MPDZ: variants seen among roughly 807,000 people sequenced by gnomAD.
MPDZ encodes multiple PDZ domain crumbs cell polarity complex component, also known as multiple PDZ domain protein.
Under a neutral mutation model 239.1 loss-of-function variants are expected in MPDZ, and 234 were observed. The observed-to-expected ratio is 0.98, with a 90% confidence interval of 0.88 to 1.09. MPDZ has a LOEUF of 1.09. Among genes scored for constraint, MPDZ ranks in the 50% least tolerant of loss-of-function variants. The pLI, the probability that MPDZ is intolerant of heterozygous loss-of-function variation, is 0.00. For missense variants in MPDZ, 3,175 were observed against 2,510.0 expected (o/e 1.26, Z -5.66); for synonymous variants, 1,048 against 881.3 (o/e 1.19, Z -3.35).
chr9:13,213,458 C>T (rs554601415), intron 10 of MPDZ, among the ~76,000 whole-genome samples: 1 of 151,902 alleles, frequency 6.6e-6, no homozygotes, highest in Non-Finnish European at 1.5e-5. Flanking sequence ...AAACAAAAAT[C>T]GAACAAATAA....
chr9:13,247,613 G>A, intron 3 of MPDZ, 22 bp downstream of exon 3: 1 of 1,597,536 alleles, frequency 6.3e-7, no homozygotes, highest in Non-Finnish European at 8.6e-7. Context: ...GTGAATGCCT[G>A]CTTGGGTGAA....
intron 26 of MPDZ, among the ~76,000 whole-genome samples, chr9:13,146,664 G>T (rs1472783950): frequency 6.6e-6 from 1 of 151,888 alleles, no homozygotes; most frequent in East Asian, 1.9e-4. Flanking sequence ...GAAATGGTAT[G>T]CAATTTTTGA....
chr9:13,249,325 G>A (rs1967258008), intron 2 of MPDZ, among the ~76,000 whole-genome samples: 1 of 152,074 alleles, frequency 6.6e-6, no homozygotes, highest in Non-Finnish European at 1.5e-5. Context: ...GAAAACAACA[G>A]TTTAAATAAT....
intron 32 of MPDZ, among the ~76,000 whole-genome samples, chr9:13,129,228 T>A (rs560021676): frequency 2.6e-5 from 4 of 152,158 alleles, no homozygotes; most frequent in Admixed American, 1.3e-4. Flanking sequence ...TTTGGGAGGC[T>A]GAGGCAGGTG....
chr9:13,192,419 C>T (rs1955061547), intron 14 of MPDZ, 124 bp from the exon 15 acceptor site: 4 of 793,288 alleles, frequency 5.0e-6, no homozygotes, highest in Non-Finnish European at 2.0e-6. Flanking sequence ...GTGCTCAGAA[C>T]TATAGTGAGA....
chr9:13,126,917 ATCTTG>A (rs1945207326), intron 32 of MPDZ, 145 bp from the exon 33 acceptor site: 1 of 648,020 alleles, frequency 1.5e-6, no homozygotes, highest in South Asian at 2.5e-5. Flanking sequence ...GATCTTAGAA[ATCTTG>A]TCTTTTCTTA....
At chr9:13,209,101 G>C (rs1176763098) in intron 10 of MPDZ, among the ~76,000 whole-genome samples, 2 of 152,120 alleles carry the variant, frequency 1.3e-5, no homozygotes, top group Admixed American at 6.6e-5. Flanking sequence ...TCTGTAAGAA[G>C]AAACTTCAGC....
intron 22 of MPDZ, among the ~76,000 whole-genome samples, chr9:13,163,105 A>T (rs1443978369): frequency 6.6e-6 from 1 of 152,138 alleles, no homozygotes; most frequent in Non-Finnish European, 1.5e-5. Context: ...AATTTTTTTT[A>T]AATTAGGAAG....
intron 3 of MPDZ, among the ~76,000 whole-genome samples, chr9:13,241,862 G>C (rs1965487491): frequency 6.6e-6 from 1 of 152,160 alleles, no homozygotes. Flanking sequence ...AGACTCCTCA[G>C]ACATGTCCTG....
chr9:13,250,301 A>G lies in MPDZ; in HGVS notation c.15T>C (p.Ile5=), dbSNP rs1266852620. 11 of 1,594,268 alleles carry G rather than the reference A, an allele frequency of 6.9e-6. No individual in the cohort carries two copies. Among genetic ancestry groups the G allele is most frequent in the Non-Finnish European group, 8.6e-6 (10 of 1,169,492 alleles). The part of the protein sequence containing the change: MLEA[I]DKNRALHAAE... ...TAGGCAGAAAAGAATAAGTCTTACCAATGGCTTCCAACATTTTTTTCAAAG... is the reference window on the plus strand; with the variant it reads ...TAGGCAGAAAAGAATAAGTCTTACCGATGGCTTCCAACATTTTTTTCAAAG... Residue 5 remains isoleucine, a splice_region_variant and synonymous_variant, in exon 2 of 47, where the codon ATT becomes ATC. Transcript: ENST00000319217.
chr9:13,249,225 C>A (rs571813907), intron 2 of MPDZ, among the ~76,000 whole-genome samples: 76 of 151,804 alleles, frequency 5.0e-4, no homozygotes, highest in Non-Finnish European at 1.0e-3. Flanking sequence ...TGTTATATGT[C>A]CCATGTTATC....
At position 13,250,323 on chromosome 9, in the gene MPDZ, A is replaced by G; in HGVS notation, c.-8T>C. 6.3e-7 allele frequency: 1 copy of G among 1,588,654 alleles called. No individual in the cohort carries two copies. The highest frequency in any genetic ancestry group is 8.6e-7 in the Non-Finnish European group (1 of 1,166,268). ...ACCAATGGCTTCCAACATTTTTTTCAAAGTTCAGTGTTCTTCTCTGAAATG... is the reference window on the plus strand; with the variant it reads ...ACCAATGGCTTCCAACATTTTTTTCGAAGTTCAGTGTTCTTCTCTGAAATG... On this transcript the variant is annotated 5_prime_UTR_variant, in exon 2 of 47. Coordinates refer to ENST00000319217, the MANE Select transcript of MPDZ (RefSeq NM_001378778.1).
At chr9:13,178,348 G>T (rs1009818604) in intron 19 of MPDZ, among the ~76,000 whole-genome samples, 1 of 151,846 alleles carries the variant, frequency 6.6e-6, no homozygotes, top group Non-Finnish European at 1.5e-5. Context: ...ACCTGTTAAT[G>T]AATCTTGCCA....
intron 21 of MPDZ, among the ~76,000 whole-genome samples, chr9:13,173,949 G>C (rs1952129728): frequency 6.6e-6 from 1 of 152,120 alleles, no homozygotes; most frequent in African/African-American, 2.4e-5. Context: ...TCCAGCAGTT[G>C]TCTCCCATTT....
intron 1 of MPDZ, among the ~76,000 whole-genome samples, chr9:13,258,081 G>A (rs774433939): frequency 3.9e-5 from 6 of 152,132 alleles, no homozygotes; most frequent in Admixed American, 6.5e-5. Context: ...GGTAACACTA[G>A]TGTCAGAAGG....
At chr9:13,189,842 T>C (rs769088835) in intron 16 of MPDZ, among the ~76,000 whole-genome samples, 4 of 152,110 alleles carry the variant, frequency 2.6e-5, no homozygotes, top group Non-Finnish European at 5.9e-5. Context: ...GAAATACAAA[T>C]AGCATAAGCA....
intron 46 of MPDZ, 24 bp downstream of exon 46, chr9:13,108,912 G>A (rs372117977): frequency 1.2e-6 from 2 of 1,604,852 alleles, no homozygotes; most frequent in African/African-American, 1.3e-5. Context: ...GGGAAAAGAG[G>A]GTGGTTAAAA....
intron 37 of MPDZ, 51 bp from the exon 38 acceptor site, chr9:13,121,983 G>C (rs774158507): frequency 6.3e-7 from 1 of 1,597,428 alleles, no homozygotes. Context: ...GTAAAGGAGA[G>C]TTAGGTGGGG....
chr9:13,154,227 C>A (rs1263857476), intron 24 of MPDZ, among the ~76,000 whole-genome samples: 2 of 151,956 alleles, frequency 1.3e-5, no homozygotes, highest in African/African-American at 4.8e-5. Flanking sequence ...TAATGAGAAA[C>A]CAGACTCATT....
Sources: gnomAD v4.1 joint callset for allele counts (sites outside exome capture counted in the v4.1 genomes callset) on GRCh38, gnomAD v4.1.1 for gene constraint, MANE v1.5 for transcripts, NCBI Gene and HGNC (gene_info 2026-07-23, HGNC 2026-07-21) for gene names.